The following NAA16 variants were observed in gnomAD, a reference collection of about 807,000 sequenced individuals.
NAA16 encodes N-alpha-acetyltransferase 16, NatA auxiliary subunit.
NAA16 carries 97 observed loss-of-function variants against 110.3 expected under a neutral mutation model. The observed-to-expected ratio is 0.88, with a 90% CI of 0.75 to 1.04. The LOEUF is 1.04. Ranked by LOEUF, NAA16 falls within the 50% of genes least tolerant of loss-of-function variation. NAA16 has a pLI of 0.00. For missense variants in NAA16, 1,017 were observed against 1,005.1 expected (o/e 1.01, Z -0.16); for synonymous variants, 372 against 330.6 (o/e 1.13, Z -1.36).
intron 13 of NAA16, chr13:41,362,847 G>A: frequency 2.3e-6 from 3 of 1,286,580 alleles, no homozygotes; most frequent in Non-Finnish European, 3.0e-6. Flanking sequence ...TCCTGACGCA[G>A]TATAGAACCA....
At chr13:41,316,350 AGGCT>A (rs2139365391) in intron 1 of NAA16, among the ~76,000 whole-genome samples, 1 of 144,866 alleles carries the variant, frequency 6.9e-6, no homozygotes, top group East Asian at 2.0e-4. Context: ...TCTGTTTCCC[AGGCT>A]GGAGTGCAGT....
intron 18 of NAA16, 161 bp downstream of exon 18, chr13:41,373,941 G>T: frequency 8.5e-7 from 1 of 1,179,464 alleles, no homozygotes; most frequent in Non-Finnish European, 1.1e-6. Flanking sequence ...GGGGAAACAG[G>T]GATGGATTCA....
chr13:41,350,597 G>GTTT (rs377318965), intron 9 of NAA16, among the ~76,000 whole-genome samples: 2 of 26,208 alleles, frequency 7.6e-5, no homozygotes, highest in African/African-American at 3.1e-4. Flanking sequence ...CGCCCTGCCA[G>GTTT]TTTTTTTTTG....
chr13:41,350,816 G>A (rs956907337), intron 9 of NAA16, among the ~76,000 whole-genome samples: 4 of 151,846 alleles, frequency 2.6e-5, no homozygotes, highest in Non-Finnish European at 4.4e-5. Flanking sequence ...GTAGAGATGG[G>A]GTTTTACCAT....
intron 9 of NAA16, among the ~76,000 whole-genome samples, 168 bp from the exon 10 acceptor site, chr13:41,354,976 G>A (rs978429203): frequency 4.9e-5 from 7 of 143,122 alleles, no homozygotes; most frequent in Non-Finnish European, 9.0e-5. Context: ...TCTCCAAAGC[G>A]GGGAAATACT....
At chr13:41,362,213 G>A (rs1458169256) in intron 13 of NAA16, 54 bp downstream of exon 13, 1 of 1,538,948 alleles carries the variant, frequency 6.5e-7, no homozygotes, top group Middle Eastern at 1.7e-4. Context: ...TAAAAAGCAG[G>A]TAGATTTCTA....
At chr13:41,363,136 A>G (rs1028598775) in intron 13 of NAA16, among the ~76,000 whole-genome samples, 4 of 152,176 alleles carry the variant, frequency 2.6e-5, no homozygotes, top group Admixed American at 2.6e-4. Context: ...CTTGAAAAAT[A>G]TAAAGCCCTT....
intron 9 of NAA16, among the ~76,000 whole-genome samples, chr13:41,351,300 A>T (rs2042828849): frequency 6.6e-6 from 1 of 152,006 alleles, no homozygotes; most frequent in African/African-American, 2.4e-5. Flanking sequence ...CCCTTCTCAC[A>T]CCTCATCTCT....
In NAA16 at chr13:41,329,488, A is replaced by G. The variant is rs2042178120; in HGVS notation, c.811+645A>G. Among the ~76,000 whole-genome samples, 4 of 151,730 alleles carry G rather than the reference A, an allele frequency of 2.6e-5. No homozygotes were observed. In the South Asian group the frequency reaches 8.3e-4, roughly 31 times the overall value. ...TGAAATAATTATGAAGTTGGCTCAA[A>G]GATGTTGAAACAGCAGAATTTTTTT... On this transcript the variant is annotated intron_variant, in intron 7 of 19. Coordinates refer to ENST00000379406, the MANE Select transcript of NAA16 (RefSeq NM_024561.5).
rs575580677 is a variant in NAA16, at chr13:41,370,184, G to C, written c.1947+901G>C. 2.6e-5 allele frequency among the ~76,000 whole-genome samples: 4 copies of C among 152,272 alleles called. No homozygotes were observed. The South Asian group carries it at 8.3e-4, about 32-fold the overall frequency. On this transcript the variant is annotated intron_variant, in intron 15 of 19. Transcript: ENST00000379406. ...GTTTGAATTTTGAGGGTCCAGCAAA[G>C]GATGGTTTGATAATTTTAGAAAGAT...
chr13:41,320,852 G>T, intron 4 of NAA16, 28 bp downstream of exon 4: 1 of 1,557,442 alleles, frequency 6.4e-7, no homozygotes, highest in Non-Finnish European at 8.7e-7. Flanking sequence ...AAATGTACAT[G>T]ATTTTACAGT....
intron 16 of NAA16, chr13:41,372,515 C>CT: frequency 1.0e-6 from 1 of 985,258 alleles, no homozygotes; most frequent in Non-Finnish European, 1.2e-6. Flanking sequence ...TTTGAACAAC[C>CT]ATACAAATTG....
chr13:41,369,193 T>G lies in NAA16; in HGVS notation c.1857T>G (p.Arg619=). Residue 619 remains arginine (R), a synonymous_variant, in exon 15 of 20, where the codon CGT becomes CGG. Transcript: ENST00000379406. ...AAAGAAAGCATGCAGAAAGAGAACG[T>G]CAACAGAAAAATCAAAAGAAAAAAA... ...EEERKHAERE[R]QQKNQKKKRD... 6.3e-7 allele frequency: 1 copy of G among 1,597,350 alleles called. No homozygotes were observed. The highest frequency in any genetic ancestry group is 8.5e-7 in the Non-Finnish European group (1 of 1,172,372).
intron 9 of NAA16, among the ~76,000 whole-genome samples, chr13:41,344,747 A>G (rs930913173): frequency 6.6e-6 from 1 of 152,258 alleles, no homozygotes; most frequent in African/African-American, 2.4e-5. Flanking sequence ...TTATTGAGAT[A>G]TAATTAATAT....
intron 6 of NAA16, among the ~76,000 whole-genome samples, chr13:41,328,328 A>G (rs1172229320): frequency 6.6e-6 from 1 of 152,172 alleles, no homozygotes; most frequent in Non-Finnish European, 1.5e-5. Context: ...GAATTAATAT[A>G]TGAACTGATA....
intron 1 of NAA16, among the ~76,000 whole-genome samples, chr13:41,311,935 T>C (rs1371822256): frequency 6.6e-6 from 1 of 152,200 alleles, no homozygotes; most frequent in Non-Finnish European, 1.5e-5. Context: ...CCCTCAGGGA[T>C]CCTCCCCCGG....
At chr13:41,336,503 AACTTTT>A (rs1366888902) in intron 8 of NAA16, 141 bp from the exon 9 acceptor site, 4 of 551,388 alleles carry the variant, frequency 7.3e-6, no homozygotes, top group Non-Finnish European at 1.3e-5. Context: ...GATAGTTGAT[AACTTTT>A]ACTTAAAACT....
chr13:41,350,604 TTTGTTTTTTTTTTTTG>T lies in NAA16; in HGVS notation c.1015-4537_1015-4522del, dbSNP rs1418887953. ...AGCCACCGCGCCCTGCCAGTTTTTT[TTTGTTTTTTTTTTTTG>T]TTTGTTTGTTTTTTTTAAGATAAGA... On this transcript the variant is annotated intron_variant, in intron 9 of 19. Transcript: ENST00000379406. Among the ~76,000 whole-genome samples the T allele has an allele frequency of 3.8e-3, 75 of 19,748 alleles. 1 individual carries two copies. Among genetic ancestry groups the T allele is most frequent in the Admixed American group, 4.5e-3 (8 of 1,776 alleles). The allele number at this position is 19,748 out of a possible 152,430, so 13.0% of individuals were successfully genotyped here. A position where few individuals can be genotyped will look rare whatever the true frequency, so the allele number is the denominator to read the frequency against.
At chr13:41,351,934 T>C (rs2042846864) in intron 9 of NAA16, among the ~76,000 whole-genome samples, 1 of 152,190 alleles carries the variant, frequency 6.6e-6, no homozygotes. Flanking sequence ...CACTACCTAA[T>C]TAAATATAAA....
Sources: gnomAD v4.1 joint callset for allele counts (sites outside exome capture counted in the v4.1 genomes callset) on GRCh38, gnomAD v4.1.1 for gene constraint, MANE v1.5 for transcripts, NCBI Gene and HGNC (gene_info 2026-07-23, HGNC 2026-07-21) for gene names.